The following ZNF277 variants were observed in gnomAD, a reference collection of about 807,000 sequenced individuals.
ZNF277 encodes the protein zinc finger protein 277, also known as nuclear receptor-interacting factor 4.
ZNF277 carries 55 observed loss-of-function variants against 60.7 expected under a neutral mutation model. The ratio of observed to expected loss-of-function variants is 0.91; its 90% CI spans 0.73 to 1.13. The LOEUF is 1.13. Among genes scored for constraint, ZNF277 ranks in the 50% most tolerant of loss-of-function variants. ZNF277 has a pLI of 0.00. For synonymous variants in ZNF277, 178 were observed against 179.3 expected (o/e 0.99, Z 0.06); for missense variants, 510 against 523.0 (o/e 0.98, Z 0.24).
chr7:112,296,888 T>TTTTATTTATTTA (rs764539582), intron 4 of ZNF277, among the ~76,000 whole-genome samples: 935 of 62,124 alleles, frequency 0.015, 15 homozygotes, highest in African/African-American at 0.03. Context: ...CTTATTTTTA[T>TTTTATTTATTTA]TTTATTTATT....
intron 1 of ZNF277, among the ~76,000 whole-genome samples, chr7:112,211,581 C>T (rs1371908649): frequency 1.3e-5 from 2 of 152,244 alleles, no homozygotes; most frequent in Admixed American, 1.3e-4. Context: ...TCCTGTTGAT[C>T]TCACTGACTC....
intron 1 of ZNF277, among the ~76,000 whole-genome samples, chr7:112,228,924 A>C (rs1188320891): frequency 6.6e-6 from 1 of 152,188 alleles, no homozygotes; most frequent in Non-Finnish European, 1.5e-5. Context: ...AAAATAAATA[A>C]TCTTACCTCA....
intron 1 of ZNF277, among the ~76,000 whole-genome samples, chr7:112,238,122 C>A (rs1475452605): frequency 2.6e-5 from 4 of 152,170 alleles, no homozygotes; most frequent in Non-Finnish European, 5.9e-5. Flanking sequence ...AATCACAGTA[C>A]CTGGTTTTAA....
chr7:112,334,665 A>G (rs1793296127), intron 7 of ZNF277, among the ~76,000 whole-genome samples: 1 of 152,198 alleles, frequency 6.6e-6, no homozygotes, highest in South Asian at 2.1e-4. Flanking sequence ...TTAACAGTGA[A>G]AGATATTTTT....
intron 5 of ZNF277, among the ~76,000 whole-genome samples, chr7:112,325,822 G>A (rs1793079793): frequency 6.6e-6 from 1 of 152,162 alleles, no homozygotes; most frequent in African/African-American, 2.4e-5. Context: ...TATAAGCCTG[G>A]AAACAAGTTC....
rs984208934 is a variant in ZNF277 at position 112,308,400 on chromosome 7, G to A, written c.466-9782G>A. Reference sequence around the variant, plus strand: ...GGCGTCATGGCACATGCCTGTAATCGCAGATACTTGGGAGGCTGAAGCACA... The same window carrying A: ...GGCGTCATGGCACATGCCTGTAATCACAGATACTTGGGAGGCTGAAGCACA... On this transcript the variant is annotated intron_variant, in intron 4 of 11. Transcript: ENST00000361822. Among the ~76,000 whole-genome samples the A allele has an allele frequency of 1.3e-4, 19 of 151,936 alleles. No individual in the cohort carries two copies. In the South Asian group the frequency reaches 1.3e-3, roughly 10 times the overall value.
At chr7:112,340,438 A>G (rs554593288) in intron 10 of ZNF277, among the ~76,000 whole-genome samples, 5 of 152,280 alleles carry the variant, frequency 3.3e-5, no homozygotes, top group African/African-American at 1.2e-4. Context: ...ACAGTAAAAA[A>G]CTTACTTCTC....
intron 4 of ZNF277, among the ~76,000 whole-genome samples, chr7:112,297,596 T>C (rs1471538585): frequency 6.6e-6 from 1 of 152,224 alleles, no homozygotes; most frequent in Non-Finnish European, 1.5e-5. Flanking sequence ...GATTTATATC[T>C]AAGAAAAGTT....
At chr7:112,227,564 C>A (rs1027136223) in intron 1 of ZNF277, among the ~76,000 whole-genome samples, 32 of 152,190 alleles carry the variant, frequency 2.1e-4, no homozygotes, top group Non-Finnish European at 1.2e-4. Context: ...ATTTACACAT[C>A]CAATTAGGTT....
chr7:112,296,956 C>T, intron 4 of ZNF277, among the ~76,000 whole-genome samples: 1 of 47,772 alleles, frequency 2.1e-5, no homozygotes, highest in Admixed American at 3.0e-4. Flanking sequence ...GAGATGGAGT[C>T]TCGCTCTGTT....
intron 4 of ZNF277, among the ~76,000 whole-genome samples, chr7:112,309,499 G>A (rs557781315): frequency 2.6e-5 from 4 of 151,820 alleles, no homozygotes; most frequent in South Asian, 2.1e-4. Flanking sequence ...CCTCTGTACC[G>A]TTTTCACTGA....
At position 112,252,702 on chromosome 7, in the gene ZNF277, A is replaced by G. The variant is rs111281628; in HGVS notation, c.92-34171A>G. ...CCTGCTTCTGTTTCCTTATCTGAAAAGTAGTAATGAAGTACCCTCATCAGA... is the reference window on the plus strand; with the variant it reads ...CCTGCTTCTGTTTCCTTATCTGAAAGGTAGTAATGAAGTACCCTCATCAGA... On this transcript the variant is annotated intron_variant, in intron 1 of 11. Transcript: ENST00000361822. Among the ~76,000 whole-genome samples, 119 of 152,256 alleles carry G rather than the reference A, an allele frequency of 7.8e-4. 2 individuals carry two copies. The highest frequency in any genetic ancestry group is 2.8e-3 in the African/African-American group (116 of 41,558).
intron 1 of ZNF277, among the ~76,000 whole-genome samples, chr7:112,277,231 G>A (rs923177850): frequency 3.3e-5 from 5 of 151,852 alleles, no homozygotes; most frequent in South Asian, 4.2e-4. Flanking sequence ...CTACAGGCGC[G>A]TGCCACCAGC....
chr7:112,254,759 A>G (rs374220913), intron 1 of ZNF277, among the ~76,000 whole-genome samples: 52 of 152,314 alleles, frequency 3.4e-4, no homozygotes, highest in African/African-American at 1.1e-3. Context: ...GCTTGAGCCC[A>G]GGATTTTAAG....
chr7:112,213,782 A>T (rs533378873), intron 1 of ZNF277, among the ~76,000 whole-genome samples: 2 of 152,230 alleles, frequency 1.3e-5, no homozygotes, highest in African/African-American at 4.8e-5. Context: ...TCTAAAGCCA[A>T]TGTTACCATA....
chr7:112,257,675 G>C (rs1268351460), intron 1 of ZNF277, among the ~76,000 whole-genome samples: 1 of 152,110 alleles, frequency 6.6e-6, no homozygotes, highest in Admixed American at 6.6e-5. Flanking sequence ...ATAGGGAGTG[G>C]TAAGGGTCAT....
intron 1 of ZNF277, among the ~76,000 whole-genome samples, chr7:112,255,840 G>T (rs1372552532): frequency 1.3e-5 from 2 of 152,144 alleles, no homozygotes; most frequent in African/African-American, 4.8e-5. Flanking sequence ...GCCTTGAAGT[G>T]CCCTGCTTTT....
chr7:112,277,328 C>T (rs2117047143), intron 1 of ZNF277, among the ~76,000 whole-genome samples: 1 of 152,252 alleles, frequency 6.6e-6, no homozygotes, highest in East Asian at 1.9e-4. Context: ...ATGATCTGCC[C>T]ACCTCAGCCT....
At chr7:112,333,556 C>T (rs765941336) in intron 7 of ZNF277, among the ~76,000 whole-genome samples, 6 of 152,112 alleles carry the variant, frequency 3.9e-5, no homozygotes, top group African/African-American at 4.8e-5. Flanking sequence ...ACTCTGCCAG[C>T]GCAACAATGA....
Sources: allele counts gnomAD v4.1 joint callset (sites outside exome capture counted in the v4.1 genomes callset), GRCh38; gene constraint gnomAD v4.1.1; transcripts MANE v1.5; gene names NCBI Gene and HGNC (gene_info 2026-07-23, HGNC 2026-07-21).